CTCF: variants seen among roughly 807,000 people sequenced by gnomAD.
CTCF encodes CCCTC-binding factor.
A neutral mutation model predicts 72.3 loss-of-function variants in CTCF; 7 were observed. That is an observed-to-expected ratio of 0.10 (90% CI 0.06 to 0.18). CTCF has a LOEUF of 0.18. Ranked by LOEUF, CTCF falls within the 10% of genes least tolerant of loss-of-function variation. The pLI is 1.00. For missense variants in CTCF, 516 were observed against 949.1 expected (o/e 0.54, Z 6.00); for synonymous variants, 374 against 315.8 (o/e 1.18, Z -1.95).
intron 10 of CTCF, among the ~76,000 whole-genome samples, chr16:67,631,177 T>TTTTTTTTTTTG (rs1567617482): frequency 1.3e-5 from 2 of 148,522 alleles, no homozygotes; most frequent in Non-Finnish European, 3.0e-5. Context: ...TTTTTGTTTT[T>TTTTTTTTTTTG]TTTTTGAGAC....
chr16:67,612,385 TTAGAAA>T (rs1453695101), intron 4 of CTCF: 10 of 246,490 alleles, frequency 4.1e-5, no homozygotes, highest in Non-Finnish European at 6.9e-5. Context: ...AGGAAGAATG[TTAGAAA>T]TAGAAGTGAA....
chr16:67,611,912 G>A (rs1276668885), intron 3 of CTCF, 39 bp from the exon 4 acceptor site: 1 of 1,575,844 alleles, frequency 6.3e-7, no homozygotes, highest in Admixed American at 1.7e-5. Context: ...TTAACACTTT[G>A]AAACTCTGCA....
intron 2 of CTCF, among the ~76,000 whole-genome samples, chr16:67,581,450 G>A (rs1296936870): frequency 6.6e-6 from 1 of 151,732 alleles, no homozygotes; most frequent in East Asian, 1.9e-4. Flanking sequence ...AGCCTCCCAA[G>A]TAGCTGGGAT....
intron 2 of CTCF, among the ~76,000 whole-genome samples, chr16:67,574,850 A>AT (rs1335454768): frequency 6.8e-6 from 1 of 146,772 alleles, no homozygotes; most frequent in Non-Finnish European, 1.5e-5. Context: ...GCAGAGACAG[A>AT]GTTTCACCTT....
intron 7 of CTCF, among the ~76,000 whole-genome samples, chr16:67,624,213 C>T (rs983086534): frequency 2.7e-5 from 4 of 145,676 alleles, no homozygotes; most frequent in South Asian, 2.2e-4. Context: ...ATGTCTTCAC[C>T]CTCTAGGTTT....
At chr16:67,595,892 G>A (rs2051806841) in intron 2 of CTCF, among the ~76,000 whole-genome samples, 1 of 152,004 alleles carries the variant, frequency 6.6e-6, no homozygotes, top group African/African-American at 2.4e-5. Context: ...CAGTAGAATT[G>A]TGCTAGTTTC....
At position 67,619,497 on chromosome 16, in the gene CTCF, G is replaced by A. The variant is rs559768020; in HGVS notation, c.1087-1200G>A. Among the ~76,000 whole-genome samples, 3 of 152,048 alleles carry A rather than the reference G, an allele frequency of 2.0e-5. No individual in the cohort carries two copies. The South Asian group carries it at 6.2e-4, about 32-fold the overall frequency. Reference sequence around the variant, plus strand: ...TACAGTGTTTTTTTGTTTTTTGTTTGTTTGTTTCCTTAAAATTGGGATACT... The same window carrying A: ...TACAGTGTTTTTTTGTTTTTTGTTTATTTGTTTCCTTAAAATTGGGATACT... On this transcript the variant is annotated intron_variant, in intron 5 of 11. Transcript: ENST00000264010.
At chr16:67,586,747 A>G (rs989163328) in intron 2 of CTCF, among the ~76,000 whole-genome samples, 3 of 152,064 alleles carry the variant, frequency 2.0e-5, no homozygotes, top group Non-Finnish European at 4.4e-5. Flanking sequence ...ATAGCTATTC[A>G]GTAATGCTTT....
intron 2 of CTCF, among the ~76,000 whole-genome samples, chr16:67,588,699 T>A (rs1399291554): frequency 2.0e-5 from 3 of 151,886 alleles, no homozygotes; most frequent in Non-Finnish European, 4.4e-5. Context: ...TAATATATAT[T>A]TTTTTGATAC....
chr16:67,625,979 C>T (rs1274233966), intron 7 of CTCF, among the ~76,000 whole-genome samples: 2 of 152,110 alleles, frequency 1.3e-5, no homozygotes, highest in East Asian at 3.9e-4. Context: ...CTGCTTCCAT[C>T]TCTCATCAGT....
chr16:67,628,806 A>G (rs1283662805), intron 9 of CTCF, among the ~76,000 whole-genome samples: 2 of 152,188 alleles, frequency 1.3e-5, no homozygotes, highest in African/African-American at 4.8e-5. Context: ...CGCGCCTGTA[A>G]TCCCAGCACT....
chr16:67,580,566 A>G (rs2051565103), intron 2 of CTCF, among the ~76,000 whole-genome samples: 2 of 150,894 alleles, frequency 1.3e-5, no homozygotes, highest in African/African-American at 2.4e-5. Flanking sequence ...TTATTTATTT[A>G]TTTATTATTT....
intron 1 of CTCF, among the ~76,000 whole-genome samples, chr16:67,565,065 G>T (rs373618628): frequency 1.3e-5 from 2 of 151,438 alleles, no homozygotes; most frequent in Admixed American, 6.6e-5. Flanking sequence ...GCAGTGGTGC[G>T]ATCTCGGCTC....
chr16:67,583,070 C>T (rs969613995), intron 2 of CTCF, among the ~76,000 whole-genome samples: 7 of 150,730 alleles, frequency 4.6e-5, no homozygotes, highest in Admixed American at 1.3e-4. Flanking sequence ...CTGCAACCTC[C>T]GCCTCCCAGG....
In CTCF at chr16:67,598,603, A is replaced by T. The variant is rs2142783529; in HGVS notation, c.-9-12221A>T. On this transcript the variant is annotated intron_variant, in intron 2 of 11. Transcript: ENST00000264010. ...ATCCTGTTACATAGGTTTCACAATG[A>T]AAGAAAAAAATTTCCTTGAAGAAAA... Among the ~76,000 whole-genome samples, 2 of 152,364 alleles carry T rather than the reference A, an allele frequency of 1.3e-5. 1 individual carries two copies. Among genetic ancestry groups the T allele is most frequent in the East Asian group, 3.9e-4 (2 of 5,194 alleles).
At chr16:67,569,306 C>T (rs1160587600) in intron 1 of CTCF, among the ~76,000 whole-genome samples, 1 of 152,140 alleles carries the variant, frequency 6.6e-6, no homozygotes, top group African/African-American at 2.4e-5. Context: ...CTGCCTCAGC[C>T]TCCTGAGTAG....
chr16:67,568,772 C>T (rs1232362764), intron 1 of CTCF, among the ~76,000 whole-genome samples: 2 of 152,090 alleles, frequency 1.3e-5, no homozygotes, highest in Non-Finnish European at 2.9e-5. Context: ...TCGAGCAGTC[C>T]TCTGCTGTGG....
chr16:67,604,820 G>T (rs1249886025), intron 2 of CTCF, among the ~76,000 whole-genome samples: 1 of 134,938 alleles, frequency 7.4e-6, no homozygotes, highest in Admixed American at 8.1e-5. Context: ...GCTTATGTTT[G>T]TGGCTTGCAT....
chr16:67,607,790 C>T (rs546804425), intron 2 of CTCF, among the ~76,000 whole-genome samples: 22 of 151,510 alleles, frequency 1.5e-4, no homozygotes, highest in Admixed American at 3.9e-4. Flanking sequence ...GAGGCCGAGG[C>T]GGACAGATCA....
Sources: gnomAD v4.1 joint callset for allele counts (sites outside exome capture counted in the v4.1 genomes callset) on GRCh38, gnomAD v4.1.1 for gene constraint, MANE v1.5 for transcripts, NCBI Gene and HGNC (gene_info 2026-07-23, HGNC 2026-07-21) for gene names.